RYR2: variants seen among roughly 807,000 people sequenced by gnomAD.
The protein encoded by RYR2 is cardiac muscle ryanodine receptor-calcium release channel.
RYR2 carries 227 observed loss-of-function variants against 601.1 expected under a neutral mutation model. The ratio of observed to expected loss-of-function variants is 0.38; its 90% confidence interval spans 0.34 to 0.42. The LOEUF is 0.42. Ranked by LOEUF, RYR2 falls within the 10% of genes least tolerant of loss-of-function variation. The pLI, the probability that RYR2 is intolerant of heterozygous loss-of-function variation, is 1.00. For synonymous variants in RYR2, 2,223 were observed against 2,175.1 expected, an observed-to-expected ratio of 1.02 and a Z score of -0.61; for missense variants, 4,646 against 6,156.5, an observed-to-expected ratio of 0.75 and a Z score of 8.21.
rs1659990656 is a variant in RYR2 at position 237,042,280 on chromosome 1, G to A, written c.-242G>A. The A allele has an allele frequency of 4.6e-6, 1 of 215,764 alleles. No homozygotes were observed. The highest frequency in any genetic ancestry group is 2.3e-5 in the African/African-American group (1 of 43,160). 13.4% of individuals were successfully genotyped at this position (215,764 alleles called of 1,614,324 possible). ...GCTTCCCCGCGTCCTCCGGGCCCGG[G>A]CCGCCCTCCTCCCGCACAGTGCGGA... is the stretch of plus-strand genomic sequence containing the variant. On this transcript the variant is annotated 5_prime_UTR_variant, in exon 1 of 105. Transcript: ENST00000366574.
intron 44 of RYR2, among the ~76,000 whole-genome samples, chr1:237,636,556 C>G (rs1483780722): frequency 1.3e-5 from 2 of 152,224 alleles, no homozygotes; most frequent in African/African-American, 4.8e-5. Context: ...GCAGCTAGAA[C>G]TCTCTTCTAC....
At chr1:237,083,386 C>A (rs147324389) in intron 1 of RYR2, among the ~76,000 whole-genome samples, 4 of 152,146 alleles carry the variant, frequency 2.6e-5, no homozygotes, top group African/African-American at 9.7e-5. Flanking sequence ...CCAGGTAACC[C>A]TCCCTCAGCA....
intron 6 of RYR2, among the ~76,000 whole-genome samples, chr1:237,373,013 T>C (rs558469966): frequency 6.6e-6 from 1 of 152,284 alleles, no homozygotes; most frequent in Non-Finnish European, 1.5e-5. Context: ...TAGTTATAGG[T>C]ACAGTGCCTA....
chr1:237,513,124 T>C (rs12074317), intron 24 of RYR2, among the ~76,000 whole-genome samples: 49 of 152,338 alleles, frequency 3.2e-4, no homozygotes, highest in African/African-American at 1.1e-3. Context: ...AAATTTGCTT[T>C]TTAGTGATTG....
At chr1:237,270,282 C>T in intron 1 of RYR2, 1 of 689,634 alleles carries the variant, frequency 1.5e-6, no homozygotes. Flanking sequence ...CCGTAGCTCC[C>T]CTCTTTTCCC....
At chr1:237,279,569 A>T (rs1404088964) in intron 2 of RYR2, among the ~76,000 whole-genome samples, 1 of 152,216 alleles carries the variant, frequency 6.6e-6, no homozygotes, top group Admixed American at 6.5e-5. Context: ...AATGATTATT[A>T]TAGAAATTTT....
At chr1:237,811,511 G>T (rs1421924069) in intron 100 of RYR2, among the ~76,000 whole-genome samples, 2 of 151,952 alleles carry the variant, frequency 1.3e-5, no homozygotes, top group Non-Finnish European at 2.9e-5. Context: ...TAAGCATTTT[G>T]TTCTCTTCCC....
Position 237,614,307 on chromosome 1 carries a change from G to T in RYR2, c.5179G>T (p.Val1727Phe). Residue 1727 changes from valine (V) to phenylalanine (F), a missense_variant, in exon 37 of 105, where the codon GTC becomes TTC. Physicochemically the swap from Val to Phe is conservative, Grantham distance 50. Transcript: ENST00000366574. The surrounding 1 kb of genome is among the most constrained non-coding windows in gnomAD (Gnocchi z 4.3). ...GCTCATGATGAACAACGAGTACATT[G>T]TCCCCATGACGGAGGAGACGAAGAG... ...ARLMMNNEYI[V>F]PMTEETKSIT... is the part of the protein sequence containing the mutation. 1 of 1,613,986 alleles carries T rather than the reference G, an allele frequency of 6.2e-7. No individual in the cohort carries two copies. Among genetic ancestry groups the T allele is most frequent in the Non-Finnish European group, 8.5e-7 (1 of 1,179,890 alleles).
At chr1:237,061,253 C>CT (rs1553275422) in intron 1 of RYR2, among the ~76,000 whole-genome samples, 13,111 of 67,666 alleles carry the variant, frequency 0.19, 737 homozygotes, top group Middle Eastern at 0.24. Context: ...ATCTATCTAT[C>CT]ATCTATCTAT....
chr1:237,540,222 C>T (rs924135846), intron 25 of RYR2, among the ~76,000 whole-genome samples: 3 of 152,030 alleles, frequency 2.0e-5, no homozygotes, highest in Non-Finnish European at 4.4e-5. Flanking sequence ...AATCCACTCA[C>T]TCCAAGAGCT....
At chr1:237,103,823 C>T (rs1668383518) in intron 1 of RYR2, among the ~76,000 whole-genome samples, 1 of 152,344 alleles carries the variant, frequency 6.6e-6, no homozygotes, top group African/African-American at 2.4e-5. Flanking sequence ...CCCGCCTCGG[C>T]CTCCCAAAGT....
intron 92 of RYR2, among the ~76,000 whole-genome samples, chr1:237,790,701 G>A (rs763432868): frequency 2.1e-4 from 32 of 151,840 alleles, no homozygotes; most frequent in Non-Finnish European, 3.4e-4. Flanking sequence ...TTCCCACTTC[G>A]CATGCAGATG....
At chr1:237,050,826 A>T (rs1193165569) in intron 1 of RYR2, among the ~76,000 whole-genome samples, 1 of 152,254 alleles carries the variant, frequency 6.6e-6, no homozygotes, top group Non-Finnish European at 1.5e-5. Flanking sequence ...TAGCCACTAG[A>T]AGTTGTATTC....
intron 1 of RYR2, among the ~76,000 whole-genome samples, chr1:237,269,129 G>A (rs1572419554): frequency 7.2e-6 from 1 of 139,634 alleles, no homozygotes; most frequent in Non-Finnish European, 1.5e-5. Context: ...TGCAACCTCC[G>A]CCTCCCAGGT....
chr1:237,086,309 TCTC>T (rs1323645174), intron 1 of RYR2, among the ~76,000 whole-genome samples: 1 of 152,164 alleles, frequency 6.6e-6, no homozygotes, highest in Non-Finnish European at 1.5e-5. Context: ...TGTGTCCTAA[TCTC>T]TTCTTCTTCT....
At chr1:237,471,440 G>A (rs1013243916) in intron 17 of RYR2, among the ~76,000 whole-genome samples, 5 of 152,162 alleles carry the variant, frequency 3.3e-5, no homozygotes, top group African/African-American at 1.2e-4. Context: ...TGGTGGCATA[G>A]ATTACAAAAA....
rs1658968497 is a variant in RYR2, at chr1:237,795,334, A to AG, written c.13956+3_13956+4insG. On this transcript the variant is annotated splice_donor_region_variant and intron_variant, in intron 96 of 104. Coordinates refer to ENST00000366574, the MANE Select transcript of RYR2 (RefSeq NM_001035.3). The stretch of plus-strand genomic sequence containing the variant: ...GGGACAAATTTGTTAAAAGAAAGGT[A>AG]ATATTACTTGGAATCCTCTACATTT... The AG allele has an allele frequency of 7.2e-7, 1 of 1,398,302 alleles. No homozygotes were observed. The highest frequency in any genetic ancestry group is 9.9e-7 in the Non-Finnish European group (1 of 1,014,004). The allele number at this position is 1,398,302 out of a possible 1,614,324, so 86.6% of individuals were successfully genotyped here.
At chr1:237,542,983 A>G (rs148467350) in intron 25 of RYR2, among the ~76,000 whole-genome samples, 2 of 152,280 alleles carry the variant, frequency 1.3e-5, no homozygotes, top group African/African-American at 2.4e-5. Context: ...TTTTCAGCCT[A>G]TCTTAGACTG....
chr1:237,563,323 A>T (rs1329829954), intron 27 of RYR2, among the ~76,000 whole-genome samples: 1 of 151,332 alleles, frequency 6.6e-6, no homozygotes, highest in Non-Finnish European at 1.5e-5. Context: ...AGGCAGGGGA[A>T]TTGCTTGAAC....
Sources: gnomAD v4.1 joint callset for allele counts (sites outside exome capture counted in the v4.1 genomes callset) on GRCh38, gnomAD v4.1.1 for gene constraint, Gnocchi (gnomAD v3.1) non-coding constraint, MANE v1.5 for transcripts, NCBI Gene and HGNC (gene_info 2026-07-23, HGNC 2026-07-21) for gene names.